Variants in KMT5B observed in about 807,000 individuals in gnomAD.
KMT5B encodes the protein histone-lysine N-methyltransferase KMT5B.
KMT5B carries 10 observed loss-of-function variants against 83.2 expected under a neutral mutation model. The observed-to-expected ratio is 0.12, with a 90% confidence interval of 0.07 to 0.20. The LOEUF (loss-of-function observed/expected upper bound fraction) is 0.20, where lower values mean the gene tolerates loss of function less well. Ranked by LOEUF, KMT5B falls within the 10% of genes least tolerant of loss-of-function variation. The probability of loss-of-function intolerance (pLI) is 1.00; values close to 1 mark genes in which losing one functional copy is unlikely to be tolerated. For missense variants in KMT5B, 753 were observed against 1,067.2 expected, an observed-to-expected ratio of 0.71 and a Z score of 4.10; for synonymous variants, 349 against 388.8, an observed-to-expected ratio of 0.90 and a Z score of 1.20.
intron 3 of KMT5B, among the ~76,000 whole-genome samples, chr11:68,183,215 C>CA (rs61512911): frequency 0.014 from 1,673 of 118,924 alleles, 14 homozygotes; most frequent in African/African-American, 0.029. Flanking sequence ...TTTCTTAACT[C>CA]AAAAAAAAAA....
intron 10 of KMT5B, among the ~76,000 whole-genome samples, chr11:68,163,396 C>T (rs1001368130): frequency 4.6e-5 from 7 of 152,212 alleles, no homozygotes; most frequent in Non-Finnish European, 1.0e-4. Context: ...ATTAAAATCA[C>T]GCTTATGCTG....
chr11:68,160,688 T>C (rs1364888807), intron 10 of KMT5B, among the ~76,000 whole-genome samples: 1 of 152,098 alleles, frequency 6.6e-6, no homozygotes, highest in African/African-American at 2.4e-5. Flanking sequence ...CATCACAACA[T>C]TCCAAAAATA....
At chr11:68,191,604 G>C (rs1300117305) in intron 1 of KMT5B, among the ~76,000 whole-genome samples, 5 of 152,292 alleles carry the variant, frequency 3.3e-5, no homozygotes, top group Admixed American at 1.3e-4. Flanking sequence ...AAAGTGCTGG[G>C]ATTATAGGCG....
chr11:68,178,484 T>G (rs117298389), intron 4 of KMT5B, among the ~76,000 whole-genome samples: 5,784 of 152,322 alleles, frequency 0.038, 146 homozygotes, highest in Middle Eastern at 0.061. Context: ...ATAAAACCCC[T>G]GAAACTATCC....
At chr11:68,203,731 A>G (rs1859732810) in intron 1 of KMT5B, among the ~76,000 whole-genome samples, 1 of 152,200 alleles carries the variant, frequency 6.6e-6, no homozygotes, top group African/African-American at 2.4e-5. Flanking sequence ...AAGCTAGGTG[A>G]CTTGTCAGAG....
intron 1 of KMT5B, among the ~76,000 whole-genome samples, chr11:68,211,062 C>G (rs866423124): frequency 1.3e-5 from 2 of 152,174 alleles, no homozygotes; most frequent in Admixed American, 6.5e-5. Context: ...GGCCACGAAC[C>G]CAGGCCCTAT....
At chr11:68,159,424 G>T (rs1454048718) in intron 10 of KMT5B, among the ~76,000 whole-genome samples, 4 of 152,138 alleles carry the variant, frequency 2.6e-5, no homozygotes, top group African/African-American at 7.2e-5. Context: ...TTCACAGCAG[G>T]GACCTAGATT....
chr11:68,202,563 T>G (rs1035683298), intron 1 of KMT5B, among the ~76,000 whole-genome samples: 108 of 151,318 alleles, frequency 7.1e-4, no homozygotes, highest in African/African-American at 2.6e-3. Flanking sequence ...TTTTTTTTTT[T>G]TTTGAGACAA....
Position 68,168,325 on chromosome 11 carries a change from TTTG to T in KMT5B, c.978-1150_978-1148del, listed in dbSNP as rs764989248. 5.9e-5 allele frequency among the ~76,000 whole-genome samples: 9 copies of T among 152,046 alleles called. No individual in the cohort carries two copies. In the East Asian group the frequency reaches 9.6e-4, roughly 16 times the overall value. On this transcript the variant is annotated intron_variant, in intron 9 of 10. Coordinates refer to ENST00000304363, the MANE Select transcript of KMT5B (RefSeq NM_017635.5). ...TTTCCCTATAAGCTTATAGGAGCTTTTTGTTATTAGAATTTTTTTTTTTTTTTT... is the reference window on the plus strand; with the variant it reads ...TTTCCCTATAAGCTTATAGGAGCTTTTTATTAGAATTTTTTTTTTTTTTTT...
At chr11:68,167,836 C>T (rs535277266) in intron 9 of KMT5B, among the ~76,000 whole-genome samples, 22 of 152,280 alleles carry the variant, frequency 1.4e-4, no homozygotes, top group African/African-American at 4.8e-4. Flanking sequence ...TGAGTTCCTG[C>T]TTCTCCACAT....
At chr11:68,202,826 C>T (rs746006807) in intron 1 of KMT5B, among the ~76,000 whole-genome samples, 3 of 151,976 alleles carry the variant, frequency 2.0e-5, no homozygotes, top group Admixed American at 6.6e-5. Context: ...GGATTACAGG[C>T]GTAAGCCACT....
chr11:68,169,660 T>C (rs1484333441), intron 9 of KMT5B, among the ~76,000 whole-genome samples: 2 of 152,178 alleles, frequency 1.3e-5, no homozygotes, highest in East Asian at 1.9e-4. Flanking sequence ...ACAAAGCAGC[T>C]AAGTGACTTA....
In KMT5B at chr11:68,155,379, C is replaced by T. The variant is rs1476864970; in HGVS notation, c.*2309G>A. On this transcript the variant is annotated 3_prime_UTR_variant, in exon 11 of 11. Transcript: ENST00000304363. ...GAGGCAGTGATTTACTACCAAATGT[C>T]ACTGCTTTGAGACCCATGGGAAGGT... 6.6e-6 allele frequency: 1 copy of T among 152,108 alleles called. No homozygotes were observed. The highest frequency in any genetic ancestry group is 6.6e-5 in the Admixed American group (1 of 15,266). 9.4% of individuals were successfully genotyped at this position (152,108 alleles called of 1,614,324 possible).
chr11:68,203,371 A>C (rs1314095199), intron 1 of KMT5B, among the ~76,000 whole-genome samples: 1 of 152,226 alleles, frequency 6.6e-6, no homozygotes, highest in African/African-American at 2.4e-5. Flanking sequence ...GCTACACATA[A>C]GCAGAATCGG....
Position 68,171,658 on chromosome 11 carries a change from T to C in KMT5B, c.705A>G (p.Ser235=). 6.2e-7 allele frequency: 1 copy of C among 1,614,070 alleles called. No homozygotes were observed. Among genetic ancestry groups the C allele is most frequent in the Non-Finnish European group, 8.5e-7 (1 of 1,179,896 alleles). ...TAAGTAGCATGTTCTCCTCAATTTC[T>C]GAAAGTTCGGCAATACAACCCACCA... ...ELLVGCIAEL[S]EIEENMLLRH... Residue 235 remains serine (S), a synonymous_variant, in exon 7 of 11, where the codon TCA becomes TCG. Coordinates refer to ENST00000304363, the MANE Select transcript of KMT5B (RefSeq NM_017635.5). The surrounding 1 kb of genome is among the most constrained non-coding windows in gnomAD (Gnocchi z 5.1).
intron 1 of KMT5B, among the ~76,000 whole-genome samples, chr11:68,196,351 T>A (rs1395221364): frequency 1.3e-5 from 2 of 151,408 alleles, no homozygotes; most frequent in Non-Finnish European, 2.9e-5. Flanking sequence ...ATACTTATGC[T>A]ATAAAACTTA....
intron 1 of KMT5B, among the ~76,000 whole-genome samples, chr11:68,192,009 T>C (rs1300012745): frequency 6.6e-6 from 1 of 152,236 alleles, no homozygotes; most frequent in Non-Finnish European, 1.5e-5. Flanking sequence ...AATAATATTG[T>C]GTTACCAGTG....
At chr11:68,207,530 C>T (rs894375083) in intron 1 of KMT5B, among the ~76,000 whole-genome samples, 2 of 152,004 alleles carry the variant, frequency 1.3e-5, no homozygotes, top group Admixed American at 6.6e-5. Flanking sequence ...CGGTGGCTCA[C>T]GCCTGTAATC....
chr11:68,168,172 T>C (rs867136218), intron 9 of KMT5B, among the ~76,000 whole-genome samples: 3 of 152,212 alleles, frequency 2.0e-5, no homozygotes, highest in Non-Finnish European at 4.4e-5. Context: ...AAAATTTTAC[T>C]TTTTGCCAAA....
Sources: gnomAD v4.1 joint callset for allele counts (sites outside exome capture counted in the v4.1 genomes callset) on GRCh38, gnomAD v4.1.1 for gene constraint, Gnocchi (gnomAD v3.1) non-coding constraint, MANE v1.5 for transcripts, NCBI Gene and HGNC (gene_info 2026-07-23, HGNC 2026-07-21) for gene names.